The following TANC1 variants were observed in gnomAD, a reference collection of about 807,000 sequenced individuals.
TANC1 encodes tetratricopeptide repeat, ankyrin repeat and coiled-coil containing 1.
In TANC1, 77 loss-of-function variants were observed where a neutral mutation model predicts 149.7. The ratio of observed to expected loss-of-function variants is 0.51; its 90% CI spans 0.43 to 0.62. TANC1 has a LOEUF of 0.62. Ranked by LOEUF, TANC1 falls within the 20% of genes least tolerant of loss-of-function variation. The pLI, the probability that TANC1 is intolerant of heterozygous loss-of-function variation, is 0.00. For missense variants in TANC1, 1,985 were observed against 2,321.8 expected, an observed-to-expected ratio of 0.85 and a Z score of 2.98; for synonymous variants, 854 against 925.0, an observed-to-expected ratio of 0.92 and a Z score of 1.39.
intron 1 of TANC1, among the ~76,000 whole-genome samples, chr2:158,990,837 C>A (rs953743291): frequency 2.0e-5 from 3 of 151,932 alleles, no homozygotes; most frequent in African/African-American, 7.3e-5. Flanking sequence ...CTTTGGGAGG[C>A]CAGGGTGGGC....
intron 3 of TANC1, among the ~76,000 whole-genome samples, chr2:159,095,337 C>T (rs940453053): frequency 2.6e-5 from 4 of 152,120 alleles, no homozygotes; most frequent in Admixed American, 6.5e-5. Flanking sequence ...TTATAAAAAC[C>T]GTCCATGCAT....
intron 7 of TANC1, among the ~76,000 whole-genome samples, chr2:159,162,673 C>A (rs1382860751): frequency 6.6e-6 from 1 of 152,150 alleles, no homozygotes; most frequent in Non-Finnish European, 1.5e-5. Flanking sequence ...TGGTACTTCA[C>A]CTGCGCTGGA....
chr2:159,119,128 G>T (rs765034299), intron 4 of TANC1, among the ~76,000 whole-genome samples: 1 of 152,146 alleles, frequency 6.6e-6, no homozygotes, highest in Non-Finnish European at 1.5e-5. Context: ...GGCAGATTGG[G>T]CAGTTATTTT....
rs1559289058 is a variant in TANC1 at position 159,116,457 on chromosome 2, A to AACAACAACAAC, written c.259+18624_259+18625insCAACAACAACA. Among the ~76,000 whole-genome samples, 3 of 98,070 alleles carry AACAACAACAAC rather than the reference A, an allele frequency of 3.1e-5. No individual in the cohort carries two copies. The East Asian group carries it at 6.2e-4, about 20-fold the overall frequency. The allele number at this position is 98,070 out of a possible 152,430, so 64.3% of individuals were successfully genotyped here. On this transcript the variant is annotated intron_variant, in intron 4 of 26. Transcript: ENST00000263635. ...ACAACAACAACAACAACAACAACAA[A>AACAACAACAAC]AAAAAAAAAACAAAGGACCTGTTAG...
chr2:158,976,633 C>A (rs1383290078), intron 1 of TANC1, among the ~76,000 whole-genome samples: 1 of 152,186 alleles, frequency 6.6e-6, no homozygotes, highest in Non-Finnish European at 1.5e-5. Context: ...GTAATCCCAG[C>A]ACTTTGGGAG....
In TANC1 at chr2:159,230,537, A is replaced by C. The variant is rs376651628; in HGVS notation, c.5111A>C (p.Lys1704Thr). The C allele has an allele frequency of 1.2e-5, 20 of 1,614,214 alleles. No individual in the cohort carries two copies. The highest frequency in any genetic ancestry group is 1.5e-5 in the Non-Finnish European group (18 of 1,180,036). ...GGACCAGATACTAGAATTAAAGACA[A>C]GGTTGTAACCCACGTTCAGAGCGGT... ...VQGPDTRIKD[K>T]VVTHVQSGTA... is the part of the protein sequence containing the mutation. Residue 1704 changes from lysine to threonine, a missense_variant, in exon 27 of 27, where the codon AAG (lysine) becomes ACG (threonine). Around this residue, in one of 3 missense-constraint regions of TANC1, gnomAD observed 920 missense variants for 994.7 expected, o/e 0.92. Transcript: ENST00000263635. This position sits in a 1 kb window ranked among gnomAD's most constrained non-coding sequence, Gnocchi z 4.4.
At chr2:159,179,624 A>G (rs1171828685) in intron 14 of TANC1, among the ~76,000 whole-genome samples, 2 of 152,124 alleles carry the variant, frequency 1.3e-5, no homozygotes, top group African/African-American at 4.8e-5. Context: ...ACATGGAGTG[A>G]CTTGTCCCAG....
chr2:159,044,180 C>T (rs2040865500), intron 2 of TANC1, among the ~76,000 whole-genome samples: 1 of 152,224 alleles, frequency 6.6e-6, no homozygotes, highest in African/African-American at 2.4e-5. Context: ...TGGCTCTCGC[C>T]TGTAATCCCA....
At chr2:159,144,815 G>A (rs1223489971) in intron 5 of TANC1, among the ~76,000 whole-genome samples, 1 of 152,184 alleles carries the variant, frequency 6.6e-6, no homozygotes, top group African/African-American at 2.4e-5. Flanking sequence ...GAAGGCAAGA[G>A]GATAAGTGAG....
intron 2 of TANC1, among the ~76,000 whole-genome samples, chr2:159,061,067 AT>A (rs2149662370): frequency 6.6e-6 from 1 of 152,334 alleles, no homozygotes; most frequent in Admixed American, 6.5e-5. Context: ...AAAGAAGAAT[AT>A]GTGACATTTG....
chr2:159,007,168 C>G (rs2037286852), intron 2 of TANC1, among the ~76,000 whole-genome samples: 1 of 75,084 alleles, frequency 1.3e-5, no homozygotes, highest in Admixed American at 2.0e-4. Flanking sequence ...TTTTTTGAGA[C>G]AGAGTTTTGC....
intron 4 of TANC1, among the ~76,000 whole-genome samples, chr2:159,135,033 C>T (rs2050516444): frequency 6.6e-6 from 1 of 152,198 alleles, no homozygotes; most frequent in Admixed American, 6.5e-5. Flanking sequence ...ACAACCATCC[C>T]TACAACCTAA....
chr2:159,035,717 G>C (rs2040134626), intron 2 of TANC1, among the ~76,000 whole-genome samples: 1 of 152,122 alleles, frequency 6.6e-6, no homozygotes, highest in Non-Finnish European at 1.5e-5. Flanking sequence ...ACAAAAACAG[G>C]CTGGAGGGAC....
intron 7 of TANC1, among the ~76,000 whole-genome samples, chr2:159,162,066 G>A (rs1199460936): frequency 6.6e-6 from 1 of 152,224 alleles, no homozygotes; most frequent in Non-Finnish European, 1.5e-5. Context: ...AGTAAAGACA[G>A]TCAGAATTGT....
At chr2:159,217,399 C>A in intron 19 of TANC1, 98 bp from the exon 20 acceptor site, 5 of 1,485,712 alleles carry the variant, frequency 3.4e-6, no homozygotes, top group Non-Finnish European at 4.6e-6. Flanking sequence ...GACATATAGA[C>A]CCCATCTCCC....
intron 19 of TANC1, among the ~76,000 whole-genome samples, chr2:159,202,586 C>A (rs2058323622): frequency 6.6e-6 from 1 of 152,092 alleles, no homozygotes; most frequent in African/African-American, 2.4e-5. Context: ...CCCCATGCAT[C>A]CTCCCCACCC....
intron 3 of TANC1, 107 bp from the exon 4 acceptor site, chr2:159,097,530 T>G: frequency 1.1e-6 from 1 of 882,490 alleles, no homozygotes; most frequent in South Asian, 1.6e-5. Flanking sequence ...AATACACACA[T>G]CTGATATGTG....
chr2:159,099,759 C>T (rs570079607), intron 4 of TANC1, among the ~76,000 whole-genome samples: 33 of 151,696 alleles, frequency 2.2e-4, no homozygotes, highest in African/African-American at 8.0e-4. Context: ...AATTGCCTTC[C>T]TACCCCTGAT....
At chr2:159,003,973 A>G (rs2036884714) in intron 2 of TANC1, 3 of 1,611,930 alleles carry the variant, frequency 1.9e-6, no homozygotes, top group Middle Eastern at 2.1e-4. Flanking sequence ...AGAGTTCTCT[A>G]AAAAAAACTG....
Sources: gnomAD v4.1 joint callset for allele counts (sites outside exome capture counted in the v4.1 genomes callset) on GRCh38, gnomAD v4.1.1 for gene constraint, gnomAD v4.1.1 regional missense constraint, Gnocchi (gnomAD v3.1) non-coding constraint, MANE v1.5 for transcripts, NCBI Gene and HGNC (gene_info 2026-07-23, HGNC 2026-07-21) for gene names.